Variants in DPH5 observed in about 807,000 individuals in gnomAD.
DPH5 encodes diphthine methyl ester synthase.
Under a neutral mutation model 31.6 loss-of-function variants are expected in DPH5, and 31 were observed. The observed-to-expected ratio is 0.98, with a 90% CI of 0.74 to 1.32. The LOEUF (loss-of-function observed/expected upper bound fraction) is 1.32. DPH5 is among the 40% of genes most tolerant of loss of function. The pLI is 0.00. For missense variants in DPH5, 309 were observed against 335.7 expected (o/e 0.92, Z 0.62); for synonymous variants, 120 against 115.0 (o/e 1.04, Z -0.28).
At chr1:101,013,668 T>C in intron 4 of DPH5, 42 bp downstream of exon 4, 1 of 1,299,012 alleles carries the variant, frequency 7.7e-7, no homozygotes, top group African/African-American at 1.5e-5. Flanking sequence ...AAATAAAACA[T>C]TTTTATTTAA....
rs533462384 is a variant in DPH5, at chr1:101,021,932, C to G, written c.136-167G>C. On this transcript the variant is annotated intron_variant, in intron 2 of 7. Coordinates refer to ENST00000370109, the MANE Select transcript of DPH5 (RefSeq NM_015958.3). ...TCATTCAATACAACTCATCAGTAAG[C>G]CAGTACTTTATGTCATGTTGCAATT... Among the ~76,000 whole-genome samples, 74 of 151,836 alleles carry G rather than the reference C, an allele frequency of 4.9e-4. No homozygotes were observed. The South Asian group carries it at 0.013, about 27-fold the overall frequency.
intron 2 of DPH5, among the ~76,000 whole-genome samples, chr1:101,023,863 T>C (rs552257498): frequency 2.6e-5 from 4 of 152,330 alleles, no homozygotes; most frequent in Non-Finnish European, 5.9e-5. Flanking sequence ...GTTAAAGGAC[T>C]TGTCCAAGGT....
intron 4 of DPH5, among the ~76,000 whole-genome samples, chr1:101,012,534 T>C (rs183862512): frequency 6.6e-6 from 1 of 152,348 alleles, no homozygotes; most frequent in African/African-American, 2.4e-5. Context: ...TCCATCCCTA[T>C]AGCATTCTTT....
intron 6 of DPH5, among the ~76,000 whole-genome samples, chr1:100,993,728 C>CA (rs1303075015): frequency 1.3e-5 from 2 of 150,302 alleles, no homozygotes; most frequent in Non-Finnish European, 3.0e-5. Flanking sequence ...GCCATATTAA[C>CA]AAAAAAGTTT....
At chr1:101,011,394 G>C (rs1659628209) in intron 4 of DPH5, among the ~76,000 whole-genome samples, 1 of 152,116 alleles carries the variant, frequency 6.6e-6, no homozygotes, top group Non-Finnish European at 1.5e-5. Flanking sequence ...ATCCAGATTA[G>C]ATAATAAAAC....
chr1:100,996,855 A>G (rs923269995), intron 5 of DPH5, among the ~76,000 whole-genome samples: 10 of 152,218 alleles, frequency 6.6e-5, no homozygotes. Flanking sequence ...GTTTATCCTC[A>G]CTAATCCCTA....
At chr1:101,001,349 G>C in intron 5 of DPH5, 118 bp downstream of exon 5, 1 of 991,086 alleles carries the variant, frequency 1.0e-6, no homozygotes, top group East Asian at 2.5e-5. Flanking sequence ...GCATAGAATG[G>C]CTAGACTGTG....
intron 2 of DPH5, 97 bp downstream of exon 2, chr1:101,025,212 A>T: frequency 6.8e-7 from 1 of 1,481,460 alleles, no homozygotes; most frequent in Non-Finnish European, 9.1e-7. Flanking sequence ...CAAAGGGTTT[A>T]AACAAGCAGA....
chr1:101,014,906 T>G (rs1659961137), intron 3 of DPH5, among the ~76,000 whole-genome samples: 1 of 152,236 alleles, frequency 6.6e-6, no homozygotes, highest in African/African-American at 2.4e-5. Context: ...CAACTCTTCA[T>G]CTGTTCAAGT....
At chr1:101,023,934 T>C (rs1660648683) in intron 2 of DPH5, among the ~76,000 whole-genome samples, 1 of 152,232 alleles carries the variant, frequency 6.6e-6, no homozygotes. Context: ...CATCCCCTGA[T>C]ATCTCATTCT....
chr1:101,025,462 A>G lies in DPH5; in HGVS notation c.-19T>C, dbSNP rs759729888. ...AAAGCATTTCAAACTTGAGGAGAAG[A>G]GAGACTGCAAGACGAAGTGGACAGA... On this transcript the variant is annotated 5_prime_UTR_variant, in exon 2 of 8. Transcript: ENST00000370109. 6.2e-7 allele frequency: 1 copy of G among 1,613,548 alleles called. No homozygotes were observed. Among genetic ancestry groups the G allele is most frequent in the South Asian group, 1.1e-5 (1 of 91,056 alleles).
chr1:100,990,283 C>T lies in DPH5; in HGVS notation c.*125G>A. 1 of 850,502 alleles carries T rather than the reference C, an allele frequency of 1.2e-6. No individual in the cohort carries two copies. The highest frequency in any genetic ancestry group is 2.6e-5 in the East Asian group (1 of 38,856). The allele number at this position is 850,502 out of a possible 1,614,324, so 52.7% of individuals were successfully genotyped here. A position where few individuals can be genotyped will look rare whatever the true frequency, so the allele number is the denominator to read the frequency against. ...GGAAACTGCCCCCATGATTCAATTA[C>T]CTACCACAACACCTGGGAATTATGA... On this transcript the variant is annotated 3_prime_UTR_variant, in exon 8 of 8. Transcript: ENST00000370109.
At chr1:100,996,168 G>A (rs1408790856) in intron 5 of DPH5, 1 of 152,066 alleles carries the variant, frequency 6.6e-6, no homozygotes, top group Non-Finnish European at 1.5e-5. Context: ...AAAAACGAAT[G>A]CCTGTTATTA....
At chr1:101,007,583 T>C (rs1339092337) in intron 4 of DPH5, among the ~76,000 whole-genome samples, 1 of 151,718 alleles carries the variant, frequency 6.6e-6, no homozygotes, top group Non-Finnish European at 1.5e-5. Flanking sequence ...GGTGTGGTGG[T>C]GGGCGCCTGT....
intron 3 of DPH5, among the ~76,000 whole-genome samples, chr1:101,019,358 G>C (rs993853474): frequency 2.6e-5 from 4 of 152,054 alleles, no homozygotes; most frequent in African/African-American, 9.7e-5. Context: ...TGCTGGAGAT[G>C]GACAGTGCTG....
Position 100,990,392 on chromosome 1 carries a change from T to C in DPH5, c.*16A>G. On this transcript the variant is annotated 3_prime_UTR_variant, in exon 8 of 8. Transcript: ENST00000370109. ...TATGGCTGAAATTTACATCAGACAA[T>C]GGTAAATATCTATGTTCAAAGTCCA... 2 of 1,607,738 alleles carry C rather than the reference T, an allele frequency of 1.2e-6. No individual in the cohort carries two copies. The highest frequency in any genetic ancestry group is 1.7e-6 in the Non-Finnish European group (2 of 1,174,368).
intron 3 of DPH5, among the ~76,000 whole-genome samples, chr1:101,018,835 A>C (rs1230234125): frequency 4.6e-5 from 7 of 152,230 alleles, no homozygotes; most frequent in Admixed American, 2.0e-4. Flanking sequence ...AAGGTATCAT[A>C]TACATAAATT....
At position 100,995,168 on chromosome 1, in the gene DPH5, G is replaced by T; in HGVS notation, c.491-19C>A. 2 of 1,534,482 alleles carry T rather than the reference G, an allele frequency of 1.3e-6. No homozygotes were observed. Among genetic ancestry groups the T allele is most frequent in the Non-Finnish European group, 1.8e-6 (2 of 1,110,688 alleles). Reference sequence around the variant, plus strand: ...TTGATGTCTGTAGGAAGTAAAAATAGTTCTTTTAATTTAATTAAAAGCTTT... The same window carrying T: ...TTGATGTCTGTAGGAAGTAAAAATATTTCTTTTAATTTAATTAAAAGCTTT... On this transcript the variant is annotated intron_variant, in intron 5 of 7. Transcript: ENST00000370109.
chr1:101,009,998 G>C (rs111314307), intron 4 of DPH5, among the ~76,000 whole-genome samples: 1 of 152,060 alleles, frequency 6.6e-6, no homozygotes, highest in African/African-American at 2.4e-5. Context: ...ATACCTTCCC[G>C]ACCTCAGTAG....
Sources: gnomAD v4.1 joint callset for allele counts (sites outside exome capture counted in the v4.1 genomes callset) on GRCh38, gnomAD v4.1.1 for gene constraint, MANE v1.5 for transcripts, NCBI Gene and HGNC (gene_info 2026-07-23, HGNC 2026-07-21) for gene names.